KALRN: variants seen among roughly 807,000 people sequenced by gnomAD.
The protein encoded by KALRN is kalirin RhoGEF kinase.
Under a neutral mutation model 353.7 loss-of-function variants are expected in KALRN, and 70 were observed. The observed-to-expected ratio is 0.20, with a 90% CI of 0.16 to 0.24. The LOEUF (loss-of-function observed/expected upper bound fraction) is 0.24. Among genes scored for constraint, KALRN ranks in the 10% least tolerant of loss-of-function variants. The probability of loss-of-function intolerance (pLI) is 1.00; values close to 1 mark genes in which losing one functional copy is unlikely to be tolerated. For missense variants in KALRN, 2,791 were observed against 3,756.7 expected, an observed-to-expected ratio of 0.74 and a Z score of 6.72; for synonymous variants, 1,391 against 1,434.8, an observed-to-expected ratio of 0.97 and a Z score of 0.69.
At chr3:124,527,608 A>G (rs1016063718) in intron 33 of KALRN, among the ~76,000 whole-genome samples, 3 of 152,028 alleles carry the variant, frequency 2.0e-5, no homozygotes, top group Non-Finnish European at 4.4e-5. Flanking sequence ...TTTAAAAAAA[A>G]AAAAAGAAGA....
chr3:124,571,278 T>C (rs2073482467), intron 34 of KALRN, among the ~76,000 whole-genome samples: 1 of 152,240 alleles, frequency 6.6e-6, no homozygotes, highest in Admixed American at 6.5e-5. Flanking sequence ...AATTCAACAA[T>C]CCTGACTTGT....
chr3:124,325,172 G>A (rs28694644), intron 6 of KALRN, among the ~76,000 whole-genome samples: 2 of 152,160 alleles, frequency 1.3e-5, no homozygotes, highest in Admixed American at 6.6e-5. Flanking sequence ...GTAAAGATGG[G>A]AATGAATGTA....
intron 1 of KALRN, among the ~76,000 whole-genome samples, chr3:124,213,393 G>A (rs2077054657): frequency 6.6e-6 from 1 of 151,896 alleles, no homozygotes. Context: ...TATGTTTCAG[G>A]CTCCATTGAT....
intron 6 of KALRN, among the ~76,000 whole-genome samples, chr3:124,318,033 A>C (rs929245147): frequency 6.6e-6 from 1 of 152,048 alleles, no homozygotes; most frequent in Non-Finnish European, 1.5e-5. Context: ...CTTTTTTCTT[A>C]AACCAGATCC....
intron 10 of KALRN, among the ~76,000 whole-genome samples, chr3:124,354,615 A>G (rs2083187998): frequency 6.6e-6 from 1 of 152,246 alleles, no homozygotes; most frequent in African/African-American, 2.4e-5. Context: ...TTCAAAAAAT[A>G]CCAAGAATAC....
At chr3:124,167,334 G>A (rs1272444563) in intron 1 of KALRN, among the ~76,000 whole-genome samples, 1 of 152,224 alleles carries the variant, frequency 6.6e-6, no homozygotes, top group East Asian at 1.9e-4. Context: ...ATACCTAGAG[G>A]TAGAGAATAA....
intron 1 of KALRN, among the ~76,000 whole-genome samples, chr3:124,200,873 G>T (rs1310968692): frequency 6.6e-6 from 1 of 152,182 alleles, no homozygotes; most frequent in East Asian, 1.9e-4. Flanking sequence ...GATAATGCAG[G>T]TTAGTGTACT....
intron 16 of KALRN, among the ~76,000 whole-genome samples, chr3:124,433,093 G>C (rs1048747259): frequency 5.3e-5 from 8 of 152,166 alleles, no homozygotes; most frequent in Non-Finnish European, 1.2e-4. Context: ...TTCAAAGGGA[G>C]TGAAAGCAGT....
intron 33 of KALRN, among the ~76,000 whole-genome samples, chr3:124,510,570 C>T (rs1284209292): frequency 2.0e-5 from 3 of 151,986 alleles, no homozygotes; most frequent in Non-Finnish European, 4.4e-5. Flanking sequence ...TTTATCCTCA[C>T]CTTGATGCGT....
At chr3:124,566,092 GT>G (rs1419215017) in intron 34 of KALRN, among the ~76,000 whole-genome samples, 1 of 152,158 alleles carries the variant, frequency 6.6e-6, no homozygotes, top group African/African-American at 2.4e-5. Flanking sequence ...GTTGGTTCCT[GT>G]TTCCCCAAGC....
chr3:124,188,690 T>C (rs939257690), intron 1 of KALRN, among the ~76,000 whole-genome samples: 2 of 152,234 alleles, frequency 1.3e-5, no homozygotes. Flanking sequence ...AACTGTAAAG[T>C]GTCAAGGTCT....
At chr3:124,511,884 A>G (rs1360519208) in intron 33 of KALRN, among the ~76,000 whole-genome samples, 1 of 152,080 alleles carries the variant, frequency 6.6e-6, no homozygotes, top group African/African-American at 2.4e-5. Flanking sequence ...ATCCCTCAGC[A>G]TTTTGTGAGA....
chr3:124,037,130 T>G (rs2039499821), intron 1 of KALRN, among the ~76,000 whole-genome samples: 1 of 152,244 alleles, frequency 6.6e-6, no homozygotes, highest in South Asian at 2.1e-4. Context: ...AAACAACTTT[T>G]CAATTATCCC....
At chr3:124,444,645 A>C (rs1171155838) in intron 19 of KALRN, among the ~76,000 whole-genome samples, 1 of 152,002 alleles carries the variant, frequency 6.6e-6, no homozygotes, top group African/African-American at 2.4e-5. Flanking sequence ...CAAAAAAAAA[A>C]AAATGTTTAC....
In KALRN at chr3:124,347,168, G is replaced by A. The variant is rs1430155437; in HGVS notation, c.1673G>A (p.Gly558Asp). The A allele has an allele frequency of 6.2e-7, 1 of 1,614,130 alleles. No homozygotes were observed. ...QQVLDWIENH[G>D]EAFLSKHTGV... ...GTGTTGGACTGGATTGAAAACCATG[G>A]TGAGGCCTTTCTCAGCAAACACACT... The change falls in exon 10 of 60, where the codon GGT becomes GAT. Residue 558 changes from glycine (G) to aspartate (D), a missense_variant. By Grantham distance (94) the Gly-to-Asp change is moderately conservative. Transcript: ENST00000682506.
chr3:124,127,599 T>C (rs1163370246), intron 1 of KALRN, among the ~76,000 whole-genome samples: 1 of 152,230 alleles, frequency 6.6e-6, no homozygotes, highest in East Asian at 1.9e-4. Context: ...AGTCTAACTT[T>C]CCACTTGAGG....
At chr3:124,315,878 A>T (rs2078754322) in intron 6 of KALRN, among the ~76,000 whole-genome samples, 1 of 152,184 alleles carries the variant, frequency 6.6e-6, no homozygotes, top group African/African-American at 2.4e-5. Flanking sequence ...AAAGCAGAAC[A>T]CAAATATGAA....
chr3:124,240,029 A>T (rs911052730), intron 3 of KALRN, among the ~76,000 whole-genome samples: 5 of 152,226 alleles, frequency 3.3e-5, no homozygotes, highest in Non-Finnish European at 1.5e-5. Context: ...TTTTGAATTT[A>T]AACCCTATGT....
At chr3:124,578,828 C>A (rs2074371485) in intron 34 of KALRN, among the ~76,000 whole-genome samples, 1 of 151,728 alleles carries the variant, frequency 6.6e-6, no homozygotes, top group South Asian at 2.1e-4. Context: ...TGAGAATCAC[C>A]CCTGTGGGGA....
Sources: allele counts gnomAD v4.1 joint callset (sites outside exome capture counted in the v4.1 genomes callset), GRCh38; gene constraint gnomAD v4.1.1; transcripts MANE v1.5; gene names NCBI Gene and HGNC (gene_info 2026-07-23, HGNC 2026-07-21).